Variants in PRUNE2 observed in about 807,000 individuals in gnomAD.
PRUNE2 encodes the protein prune homolog 2 with BCH domain.
PRUNE2 carries 164 observed loss-of-function variants against 252.0 expected under a neutral mutation model. The observed-to-expected ratio is 0.65, with a 90% CI of 0.57 to 0.74. The LOEUF (loss-of-function observed/expected upper bound fraction) is 0.74. Ranked by LOEUF, PRUNE2 falls within the 30% of genes least tolerant of loss-of-function variation. The pLI is 0.00. For missense variants in PRUNE2, 3,495 were observed against 3,711.0 expected (o/e 0.94, Z 1.51); for synonymous variants, 1,292 against 1,350.2 (o/e 0.96, Z 0.94).
At chr9:76,879,873 C>G (rs1375564122) in intron 1 of PRUNE2, among the ~76,000 whole-genome samples, 1 of 123,026 alleles carries the variant, frequency 8.1e-6, no homozygotes, top group Non-Finnish European at 1.6e-5. Context: ...AAGAAAGAGG[C>G]CTGTCATATA....
Position 76,710,685 on chromosome 9 carries a change from C to T in PRUNE2, c.1589G>A (p.Gly530Glu). The change falls in exon 8 of 19, where the codon GGA becomes GAA. Residue 530 changes from glycine (G) to glutamate (E), a missense_variant. Gly to Glu is a moderately conservative substitution (Grantham distance 98). Transcript: ENST00000376718. The stretch of plus-strand genomic sequence containing the variant: ...TCCTTCAGGCCCAGCGGGGAGCTGT[C>T]CTTCTGACAGGTCACTGTTGGGGAA... ...DFFPNSDLSE[G>E]QLPAGPEGLD... 6.2e-7 allele frequency: 1 copy of T among 1,612,556 alleles called. No individual in the cohort carries two copies. Among genetic ancestry groups the T allele is most frequent in the Admixed American group, 1.7e-5 (1 of 59,868 alleles).
In PRUNE2 at chr9:76,710,133, C is replaced by A. The variant is rs2046611182; in HGVS notation, c.2141G>T (p.Gly714Val). Residue 714 changes from glycine (G) to valine (V), a missense_variant, in exon 8 of 19, where the codon GGT becomes GTT. Gly to Val is a moderately radical substitution (Grantham distance 109, BLOSUM62 -3). Transcript: ENST00000376718. The stretch of plus-strand genomic sequence containing the variant: ...CTGACCAAATTCAGACTCCCAGGGA[C>A]CTGACTTTGTAAATTCGAGGCTCTT... ...QPKSLEFTKS[G>V]PWESEFGQPE... 1 of 1,613,912 alleles carries A rather than the reference C, an allele frequency of 6.2e-7. No homozygotes were observed. Among genetic ancestry groups the A allele is most frequent in the African/African-American group, 1.3e-5 (1 of 75,018 alleles).
At chr9:76,679,668 C>A (rs2043209539) in intron 9 of PRUNE2, among the ~76,000 whole-genome samples, 1 of 152,068 alleles carries the variant, frequency 6.6e-6, no homozygotes, top group Non-Finnish European at 1.5e-5. Flanking sequence ...AATAAAAAGA[C>A]AGATATATAG....
chr9:76,684,941 G>A (rs543071459), intron 9 of PRUNE2, among the ~76,000 whole-genome samples: 6 of 152,034 alleles, frequency 3.9e-5, no homozygotes, highest in South Asian at 4.1e-4. Flanking sequence ...TAGTAGAGAC[G>A]GGGTTTCACC....
In PRUNE2 at chr9:76,660,714, G is replaced by A. The variant is rs146703193; in HGVS notation, c.8277-5212C>T. Among the ~76,000 whole-genome samples the A allele has an allele frequency of 7.3e-3, 1,096 of 150,642 alleles. 7 individuals carry two copies. Among genetic ancestry groups the A allele is most frequent in the African/African-American group, 0.025 (1,015 of 40,914 alleles). On this transcript the variant is annotated intron_variant, in intron 9 of 18. Coordinates refer to ENST00000376718, the MANE Select transcript of PRUNE2 (RefSeq NM_015225.3). ...GAAGAATCACCTGAACCCGGGAGGC[G>A]GAAGTTGCAGAGAGCCGAGATTACA...
At chr9:76,848,073 G>C (rs2059764149) in intron 3 of PRUNE2, among the ~76,000 whole-genome samples, 1 of 152,176 alleles carries the variant, frequency 6.6e-6, no homozygotes, top group South Asian at 2.1e-4. Flanking sequence ...AAACCAGCCT[G>C]GCCAACACGG....
chr9:76,746,662 G>A (rs1157420987), intron 6 of PRUNE2, among the ~76,000 whole-genome samples: 13 of 127,222 alleles, frequency 1.0e-4, no homozygotes, highest in East Asian at 1.0e-3. Context: ...CCGAGATTGC[G>A]CCACTGCAGT....
At chr9:76,802,728 G>C (rs2056646272) in intron 6 of PRUNE2, among the ~76,000 whole-genome samples, 1 of 151,846 alleles carries the variant, frequency 6.6e-6, no homozygotes, top group African/African-American at 2.4e-5. Context: ...AAATACCAGA[G>C]AGAAAGCTTC....
intron 16 of PRUNE2, among the ~76,000 whole-genome samples, chr9:76,628,457 C>A (rs1052277395): frequency 3.9e-5 from 6 of 152,170 alleles, no homozygotes; most frequent in African/African-American, 1.4e-4. Flanking sequence ...AGAGTTATTT[C>A]TTTCTATTTT....
At chr9:76,899,124 G>T (rs1378542183) in intron 1 of PRUNE2, among the ~76,000 whole-genome samples, 1 of 152,212 alleles carries the variant, frequency 6.6e-6, no homozygotes, top group Non-Finnish European at 1.5e-5. Flanking sequence ...AGACTAGGCT[G>T]GGCTGACTTG....
At chr9:76,837,777 T>C (rs947880001) in intron 4 of PRUNE2, among the ~76,000 whole-genome samples, 1 of 150,838 alleles carries the variant, frequency 6.6e-6, no homozygotes. Flanking sequence ...AATACTATTT[T>C]TTTTTTTTTT....
intron 6 of PRUNE2, among the ~76,000 whole-genome samples, chr9:76,801,474 T>C (rs953958647): frequency 2.6e-5 from 4 of 152,018 alleles, no homozygotes; most frequent in Non-Finnish European, 5.9e-5. Flanking sequence ...ATAAGAGCTA[T>C]TTCTACTGGG....
At chr9:76,780,985 C>T (rs1043976486) in intron 6 of PRUNE2, among the ~76,000 whole-genome samples, 2 of 152,174 alleles carry the variant, frequency 1.3e-5, no homozygotes, top group African/African-American at 4.8e-5. Context: ...TGAGAATAAT[C>T]CATGACATTT....
At chr9:76,833,066 C>A (rs928987472) in intron 4 of PRUNE2, among the ~76,000 whole-genome samples, 3 of 152,016 alleles carry the variant, frequency 2.0e-5, no homozygotes, top group Non-Finnish European at 4.4e-5. Context: ...GTTAATTTTA[C>A]ACAAATTATC....
At chr9:76,763,841 G>GT (rs35931752) in intron 6 of PRUNE2, among the ~76,000 whole-genome samples, 52,028 of 152,008 alleles carry the variant, frequency 0.34, 9,207 homozygotes, top group South Asian at 0.42. Flanking sequence ...TGTTTAGACA[G>GT]TGAGAGGTGC....
intron 6 of PRUNE2, among the ~76,000 whole-genome samples, chr9:76,806,654 C>A (rs1368295160): frequency 6.6e-6 from 1 of 150,962 alleles, no homozygotes; most frequent in African/African-American, 2.4e-5. Flanking sequence ...ACTACAGGTG[C>A]CCACCAACAC....
chr9:76,741,915 C>CACA (rs2049657555), intron 6 of PRUNE2, among the ~76,000 whole-genome samples: 1 of 152,214 alleles, frequency 6.6e-6, no homozygotes, highest in South Asian at 2.1e-4. Flanking sequence ...GTGGCTCACC[C>CACA]ACAACATATA....
chr9:76,854,260 T>C, intron 1 of PRUNE2, 52 bp from the exon 2 acceptor site: 1 of 935,578 alleles, frequency 1.1e-6, no homozygotes, highest in Non-Finnish European at 1.6e-6. Flanking sequence ...CAGATTAATA[T>C]AAACATATTT....
chr9:76,674,649 C>A, intron 9 of PRUNE2, among the ~76,000 whole-genome samples: 1 of 148,146 alleles, frequency 6.8e-6, no homozygotes, highest in African/African-American at 2.4e-5. Context: ...CATCACACTA[C>A]CTGACTTCAA....
Sources: gnomAD v4.1 joint callset for allele counts (sites outside exome capture counted in the v4.1 genomes callset) on GRCh38, gnomAD v4.1.1 for gene constraint, MANE v1.5 for transcripts, NCBI Gene and HGNC (gene_info 2026-07-23, HGNC 2026-07-21) for gene names.